The following TANGO2 variants were observed in gnomAD, a reference collection of about 807,000 sequenced individuals.
The protein encoded by TANGO2 is transport and Golgi organization protein 2 homolog.
Under a neutral mutation model 39.1 loss-of-function variants are expected in TANGO2, and 26 were observed. That is an observed-to-expected ratio of 0.67 (90% CI 0.49 to 0.92). TANGO2 has a LOEUF of 0.92. Ranked by LOEUF, TANGO2 falls within the 40% of genes least tolerant of loss-of-function variation. TANGO2 has a pLI of 0.00. For missense variants in TANGO2, 326 were observed against 360.1 expected, an observed-to-expected ratio of 0.91 and a Z score of 0.77; for synonymous variants, 131 against 144.5, an observed-to-expected ratio of 0.91 and a Z score of 0.67.
At chr22:20,035,175 A>C (rs1025601591) in intron 1 of TANGO2, among the ~76,000 whole-genome samples, 4 of 152,210 alleles carry the variant, frequency 2.6e-5, no homozygotes, top group African/African-American at 9.6e-5. Flanking sequence ...CCCCTGACCC[A>C]GTGCGTCTGC....
chr22:20,028,015 T>C (rs2041121617), intron 1 of TANGO2, among the ~76,000 whole-genome samples: 1 of 152,074 alleles, frequency 6.6e-6, no homozygotes, highest in Admixed American at 6.6e-5. Context: ...GCCAGGCTGG[T>C]CTTGAATTCC....
At chr22:20,025,579 C>T (rs1205163940) in intron 1 of TANGO2, among the ~76,000 whole-genome samples, 1 of 152,158 alleles carries the variant, frequency 6.6e-6, no homozygotes, top group Non-Finnish European at 1.5e-5. Context: ...GCTGCCTAGA[C>T]CAGGTGGCCC....
intron 3 of TANGO2, among the ~76,000 whole-genome samples, chr22:20,048,490 T>A (rs376117487): frequency 2.0e-5 from 3 of 152,208 alleles, no homozygotes; most frequent in South Asian, 4.1e-4. Flanking sequence ...TTTTTGGTTG[T>A]TTTATGCAGG....
chr22:20,033,538 G>A (rs1601928228), intron 1 of TANGO2, among the ~76,000 whole-genome samples: 5 of 152,328 alleles, frequency 3.3e-5, no homozygotes, highest in East Asian at 3.9e-4. Flanking sequence ...TGAGACCAAC[G>A]GCCTTCTCTA....
intron 1 of TANGO2, among the ~76,000 whole-genome samples, chr22:20,032,189 G>A (rs1429088911): frequency 1.3e-5 from 2 of 152,202 alleles, no homozygotes; most frequent in South Asian, 2.1e-4. Context: ...TGCCCCACCC[G>A]CCCTGTAACC....
Position 20,036,778 on chromosome 22 carries a change from G to T in TANGO2, c.-21G>T, listed in dbSNP as rs1168281963. 1 of 1,614,242 alleles carries T rather than the reference G, an allele frequency of 6.2e-7. No individual in the cohort carries two copies. ...CCCGCAGACCTCGCGACCTGTGTCA[G>T]CAGAGCCGCCCTGCACCACCATGTG... On this transcript the variant is annotated 5_prime_UTR_variant, in exon 2 of 9. Coordinates refer to ENST00000327374, the MANE Select transcript of TANGO2 (RefSeq NM_152906.7).
At chr22:20,049,800 C>T (rs1347940826) in intron 3 of TANGO2, among the ~76,000 whole-genome samples, 2 of 152,198 alleles carry the variant, frequency 1.3e-5, no homozygotes, top group Middle Eastern at 3.4e-3. Context: ...ACGAAAAGCC[C>T]CCTGGGATTT....
intron 8 of TANGO2, among the ~76,000 whole-genome samples, chr22:20,064,233 G>A (rs2048896781): frequency 6.6e-6 from 1 of 152,218 alleles, no homozygotes; most frequent in African/African-American, 2.4e-5. Context: ...GAAGTGTGTG[G>A]TCAGCCCGCA....
In TANGO2 at chr22:20,057,848, A is replaced by G. The variant is rs8136551; in HGVS notation, c.451+1835A>G. On this transcript the variant is annotated intron_variant, in intron 6 of 8. Coordinates refer to ENST00000327374, the MANE Select transcript of TANGO2 (RefSeq NM_152906.7). The surrounding 1 kb of genome is among the most constrained non-coding windows in gnomAD (Gnocchi z 4.1). ...TCCCTACCACCCCCTCACTGTGAAC[A>G]TTGGCCCAGCGGCCTCTGGGGCAGT... is the stretch of plus-strand genomic sequence containing the variant. 9.0e-3 allele frequency among the ~76,000 whole-genome samples: 1,374 copies of G among 152,270 alleles called. 6 individuals carry two copies. The highest frequency in any genetic ancestry group is 0.015 in the Non-Finnish European group (1,049 of 68,018).
chr22:20,036,806 T>C lies in TANGO2; in HGVS notation c.8T>C (p.Ile3Thr). 2 of 1,614,184 alleles carry C rather than the reference T, an allele frequency of 1.2e-6. No individual in the cohort carries two copies. Among genetic ancestry groups the C allele is most frequent in the Non-Finnish European group, 1.7e-6 (2 of 1,180,026 alleles). The part of the protein sequence containing the change: MC[I>T]IFFKFDPRPV... ...GAGCCGCCCTGCACCACCATGTGCA[T>C]CATCTTCTTTAAGTTTGATCCTCGC... Residue 3 changes from isoleucine to threonine, a missense_variant, in exon 2 of 9, where the codon ATC becomes ACC. Transcript: ENST00000327374.
chr22:20,020,150 C>G (rs1569214409), upstream of TANGO2, among the ~76,000 whole-genome samples: 1 of 152,236 alleles, frequency 6.6e-6, no homozygotes, highest in East Asian at 1.9e-4. Context: ...AATGACATAA[C>G]TGCTCCAAGT....
chr22:20,038,657 C>T (rs1284686122), intron 2 of TANGO2, among the ~76,000 whole-genome samples: 1 of 152,236 alleles, frequency 6.6e-6, no homozygotes, highest in Non-Finnish European at 1.5e-5. Context: ...CGAAATGTGC[C>T]ACCTCTGGGT....
At position 20,041,042 on chromosome 22, in the gene TANGO2, C is replaced by G. The variant is rs1471568928; in HGVS notation, c.57-2313C>G. Among the ~76,000 whole-genome samples the G allele has an allele frequency of 2.6e-5, 4 of 152,226 alleles. No homozygotes were observed. In the East Asian group the frequency reaches 7.7e-4, roughly 29 times the overall value. On this transcript the variant is annotated intron_variant, in intron 2 of 8. Coordinates refer to ENST00000327374, the MANE Select transcript of TANGO2 (RefSeq NM_152906.7). The stretch of plus-strand genomic sequence containing the variant: ...CCCTGGCAATGACCAAAAGCATTTC[C>G]CCAGTTCTGCTGGCAAGAAGCTTCA...
rs373739467 is a variant in TANGO2, at chr22:20,052,438, T to C, written c.146-27T>C. The C allele has an allele frequency of 5.1e-6, 8 of 1,580,782 alleles. No homozygotes were observed. The African/African-American group carries it at 1.1e-4, about 21-fold the overall frequency. On this transcript the variant is annotated intron_variant, in intron 3 of 8. Transcript: ENST00000327374. ...GGGGGACTGGAATGGGTGGCATCAA[T>C]GGTGGTAACACTGTCATCTGCCACA...
chr22:20,047,741 C>A (rs79375034), intron 3 of TANGO2, among the ~76,000 whole-genome samples: 6,945 of 152,194 alleles, frequency 0.046, 225 homozygotes, highest in East Asian at 0.079. Context: ...TCTGTCATAT[C>A]CTTTTTTGTA....
At chr22:20,044,575 T>C (rs2044727971) in intron 3 of TANGO2, among the ~76,000 whole-genome samples, 1 of 152,130 alleles carries the variant, frequency 6.6e-6, no homozygotes, top group Non-Finnish European at 1.5e-5. Context: ...TGTGGGGTTT[T>C]GTGAGGACTC....
At chr22:20,055,795 G>A (rs904676895) in intron 5 of TANGO2, 148 bp from the exon 6 acceptor site, 2 of 682,238 alleles carry the variant, frequency 2.9e-6, no homozygotes, top group Non-Finnish European at 5.2e-6. Context: ...GGCACCTGAG[G>A]GGCTGGGTCC....
chr22:20,030,218 A>G (rs1601875599), intron 1 of TANGO2, among the ~76,000 whole-genome samples: 1 of 142,720 alleles, frequency 7.0e-6, no homozygotes, highest in East Asian at 2.1e-4. Context: ...CTTAGGCTGG[A>G]GTGCAATGGC....
At chr22:20,031,985 G>A (rs1218110243) in intron 1 of TANGO2, among the ~76,000 whole-genome samples, 2 of 152,296 alleles carry the variant, frequency 1.3e-5, no homozygotes, top group East Asian at 3.9e-4. Context: ...ACCAGCAGGT[G>A]CCCCACCATG....
Sources: allele counts gnomAD v4.1 joint callset (sites outside exome capture counted in the v4.1 genomes callset), GRCh38; gene constraint gnomAD v4.1.1; non-coding constraint Gnocchi (gnomAD v3.1); transcripts MANE v1.5; gene names NCBI Gene and HGNC (gene_info 2026-07-23, HGNC 2026-07-21).